The following SLIT1 variants were observed in gnomAD, a reference collection of about 807,000 sequenced individuals.
SLIT1 encodes the protein slit homolog 1 protein.
A neutral mutation model predicts 186.1 loss-of-function variants in SLIT1; 66 were observed. The ratio of observed to expected loss-of-function variants is 0.35; its 90% confidence interval spans 0.29 to 0.44. The LOEUF is 0.44. SLIT1 is among the 20% of genes least tolerant of loss of function. The pLI, the probability that SLIT1 is intolerant of heterozygous loss-of-function variation, is 1.00. For missense variants in SLIT1, 1,638 were observed against 2,037.4 expected (o/e 0.80, Z 3.77); for synonymous variants, 761 against 833.8 (o/e 0.91, Z 1.50).
rs1435409534 is a variant in SLIT1, at chr10:96,998,632, C to T, written c.*2480G>A. The stretch of plus-strand genomic sequence containing the variant: ...GAGTGCTGACTCAGGTCCTTAGCAA[C>T]TCGCTGGCTGATGGCCAAGTTGGAG... On this transcript the variant is annotated 3_prime_UTR_variant, in exon 37 of 37. Transcript: ENST00000266058. 1 of 152,282 alleles carries T rather than the reference C, an allele frequency of 6.6e-6. No homozygotes were observed. The highest frequency in any genetic ancestry group is 1.5e-5 in the Non-Finnish European group (1 of 68,068). 9.4% of individuals were successfully genotyped at this position (152,282 alleles called of 1,614,324 possible).
intron 13 of SLIT1, 99 bp downstream of exon 13, chr10:97,056,222 A>G: frequency 2.2e-6 from 3 of 1,370,506 alleles, no homozygotes; most frequent in Non-Finnish European, 3.1e-6. Context: ...CAGTGAGCAC[A>G]GCAGCCCAGA....
rs148281338 is a variant in SLIT1 at position 97,092,682 on chromosome 10, G to T, written c.414-26596C>A. On this transcript the variant is annotated intron_variant, in intron 4 of 36. Transcript: ENST00000266058. Reference sequence around the variant, plus strand: ...TTCCAAGCTTCTGGAAGAGAGACTGGTGTATAGTAGATGCTCAATAAATAT... The same window carrying T: ...TTCCAAGCTTCTGGAAGAGAGACTGTTGTATAGTAGATGCTCAATAAATAT... Among the ~76,000 whole-genome samples the T allele has an allele frequency of 3.3e-5, 5 of 152,342 alleles. No homozygotes were observed. In the East Asian group the frequency reaches 9.6e-4, roughly 29 times the overall value.
chr10:97,133,347 T>C (rs1048390680), intron 4 of SLIT1, among the ~76,000 whole-genome samples: 2 of 151,966 alleles, frequency 1.3e-5, no homozygotes, highest in African/African-American at 2.4e-5. Flanking sequence ...AGCCCAGGAG[T>C]GTGAAACCAG....
At chr10:97,064,389 C>G (rs535312097) in intron 6 of SLIT1, 150 bp from the exon 7 acceptor site, 1 of 693,824 alleles carries the variant, frequency 1.4e-6, no homozygotes, top group Non-Finnish European at 2.6e-6. Context: ...GAGCATGAGG[C>G]ATATCCCACC....
intron 4 of SLIT1, among the ~76,000 whole-genome samples, chr10:97,072,911 T>C (rs796129364): frequency 2.5e-4 from 38 of 152,294 alleles, no homozygotes; most frequent in African/African-American, 8.9e-4. Flanking sequence ...TGTGAATTGA[T>C]GTACTTAAGC....
intron 4 of SLIT1, among the ~76,000 whole-genome samples, chr10:97,076,491 T>C (rs1207924543): frequency 6.6e-6 from 1 of 152,120 alleles, no homozygotes; most frequent in Non-Finnish European, 1.5e-5. Flanking sequence ...GCCTCCCACG[T>C]AGAAGGGGAA....
intron 4 of SLIT1, among the ~76,000 whole-genome samples, chr10:97,139,038 G>T (rs1366604921): frequency 6.6e-6 from 1 of 152,252 alleles, no homozygotes; most frequent in Non-Finnish European, 1.5e-5. Flanking sequence ...ATGACTGCAG[G>T]CAGCAGGCTT....
intron 30 of SLIT1, among the ~76,000 whole-genome samples, chr10:97,012,075 TACACACACACACAC>T (rs35171328): frequency 0.015 from 1,980 of 130,898 alleles, 22 homozygotes; most frequent in Middle Eastern, 0.041. Context: ...TCAAGCCCAG[TACACACACACACAC>T]ACACACACAC....
chr10:97,135,044 A>C (rs1398632160), intron 4 of SLIT1, among the ~76,000 whole-genome samples: 1 of 152,264 alleles, frequency 6.6e-6, no homozygotes, highest in Admixed American at 6.5e-5. Flanking sequence ...ATGAGGCAGA[A>C]ACAGAAATAT....
At chr10:97,039,785 C>T (rs532942111) in intron 21 of SLIT1, among the ~76,000 whole-genome samples, 1 of 151,718 alleles carries the variant, frequency 6.6e-6, no homozygotes, top group African/African-American at 2.4e-5. Flanking sequence ...ATCAGGTGAC[C>T]GCAGAGGGAG....
intron 25 of SLIT1, among the ~76,000 whole-genome samples, chr10:97,026,442 C>G (rs566991656): frequency 1.1e-4 from 17 of 150,764 alleles, no homozygotes; most frequent in African/African-American, 3.9e-4. Context: ...CCAGCCTGGG[C>G]GATAAGAGCG....
intron 4 of SLIT1, among the ~76,000 whole-genome samples, chr10:97,088,338 C>T (rs1849189904): frequency 6.6e-6 from 1 of 152,144 alleles, no homozygotes; most frequent in Admixed American, 6.5e-5. Flanking sequence ...ACAGTATTTC[C>T]AATGCCCCAG....
At chr10:97,038,768 C>T (rs1564659244) in intron 21 of SLIT1, among the ~76,000 whole-genome samples, 1 of 152,204 alleles carries the variant, frequency 6.6e-6, no homozygotes, top group South Asian at 2.1e-4. Context: ...CCTTACCCCT[C>T]GCTCTGCATC....
intron 4 of SLIT1, among the ~76,000 whole-genome samples, chr10:97,157,061 A>T (rs1232171726): frequency 6.6e-6 from 1 of 152,222 alleles, no homozygotes; most frequent in Non-Finnish European, 1.5e-5. Context: ...GCCCAAAGTT[A>T]AAAATTTTCT....
chr10:97,143,038 G>A (rs1196685724), intron 4 of SLIT1, among the ~76,000 whole-genome samples: 1 of 152,228 alleles, frequency 6.6e-6, no homozygotes. Flanking sequence ...TGGTGGGAAT[G>A]TGAAATGGTA....
rs562437802 is a variant in SLIT1 at position 97,126,260 on chromosome 10, G to C, written c.413+31558C>G. ...CTGATATGAGAGAGGGCTATAAACT[G>C]TAACAGACGTGAACGTGCACATGGG... On this transcript the variant is annotated intron_variant, in intron 4 of 36. Coordinates refer to ENST00000266058, the MANE Select transcript of SLIT1 (RefSeq NM_003061.3). Among the ~76,000 whole-genome samples, 7 of 152,374 alleles carry C rather than the reference G, an allele frequency of 4.6e-5. No individual in the cohort carries two copies. The South Asian group carries it at 1.5e-3, about 32-fold the overall frequency.
At chr10:97,171,353 C>T (rs1032340536) in intron 1 of SLIT1, among the ~76,000 whole-genome samples, 6 of 152,162 alleles carry the variant, frequency 3.9e-5, no homozygotes, top group Admixed American at 3.3e-4. Context: ...CCTCTATCCT[C>T]GAGCCTGAGT....
intron 12 of SLIT1, 85 bp from the exon 13 acceptor site, chr10:97,056,549 G>A (rs971327839): frequency 3.1e-5 from 44 of 1,415,464 alleles, no homozygotes; most frequent in Middle Eastern, 2.1e-4. Flanking sequence ...CTTCAGTCCC[G>A]GCCTGCGTTA....
At chr10:97,037,798 A>G in intron 21 of SLIT1, 32 bp from the exon 22 acceptor site, 1 of 1,575,178 alleles carries the variant, frequency 6.3e-7, no homozygotes, top group East Asian at 2.3e-5. Context: ...GTTAGTGCCC[A>G]TCTCCACCTC....
Sources: gnomAD v4.1 joint callset for allele counts (sites outside exome capture counted in the v4.1 genomes callset) on GRCh38, gnomAD v4.1.1 for gene constraint, MANE v1.5 for transcripts, NCBI Gene and HGNC (gene_info 2026-07-23, HGNC 2026-07-21) for gene names.